Variants in LARGE1 observed in about 807,000 individuals in gnomAD.
The protein encoded by LARGE1 is LARGE xylosyl- and glucuronyltransferase 1.
LARGE1 carries 43 observed loss-of-function variants against 87.6 expected under a neutral mutation model. That is an observed-to-expected ratio of 0.49 (90% CI 0.38 to 0.63). The LOEUF (loss-of-function observed/expected upper bound fraction) is 0.63. Ranked by LOEUF, LARGE1 falls within the 30% of genes least tolerant of loss-of-function variation. LARGE1 has a pLI of 0.00. For synonymous variants in LARGE1, 434 were observed against 394.6 expected (o/e 1.10, Z -1.18); for missense variants, 802 against 1,000.2 (o/e 0.80, Z 2.67).
Position 33,165,077 on chromosome 22 carries a change from C to G in LARGE1, c.*1686G>C, listed in dbSNP as rs187817206. 3 of 152,224 alleles carry G rather than the reference C, an allele frequency of 2.0e-5. No individual in the cohort carries two copies. The East Asian group carries it at 5.8e-4, about 29-fold the overall frequency. The allele number at this position is 152,224 out of a possible 1,614,324, so 9.4% of individuals were successfully genotyped here. ...TCACTACCTGAGTGACGGGACCAATCGTATCCCAAACCTCAGCATCGTGCA... is the reference window on the plus strand; with the variant it reads ...TCACTACCTGAGTGACGGGACCAATGGTATCCCAAACCTCAGCATCGTGCA... On this transcript the variant is annotated 3_prime_UTR_variant, in exon 12 of 12. Coordinates refer to the LARGE1 transcript ENST00000608642.
intron 1 of LARGE1, among the ~76,000 whole-genome samples, chr22:33,774,381 G>T (rs2085167300): frequency 6.6e-6 from 1 of 151,980 alleles, no homozygotes; most frequent in Admixed American, 6.6e-5. Context: ...TTTTGAGACG[G>T]AGTCTTGCTC....
At chr22:33,308,534 C>G (rs761849390) in intron 11 of LARGE1, among the ~76,000 whole-genome samples, 4 of 152,134 alleles carry the variant, frequency 2.6e-5, no homozygotes, top group South Asian at 2.1e-4. Flanking sequence ...TATCCATACC[C>G]TCTGGAAATA....
chr22:33,652,000 C>T (rs867221390), intron 2 of LARGE1, among the ~76,000 whole-genome samples: 6 of 152,070 alleles, frequency 3.9e-5, no homozygotes, highest in Admixed American at 1.3e-4. Flanking sequence ...AGTGAAACCC[C>T]GTCTCTACTA....
chr22:33,534,949 C>T (rs923186235), intron 6 of LARGE1, among the ~76,000 whole-genome samples: 7 of 152,150 alleles, frequency 4.6e-5, no homozygotes, highest in African/African-American at 1.4e-4. Flanking sequence ...GGGTTGAAGC[C>T]GAGAGTAATA....
intron 1 of LARGE1, among the ~76,000 whole-genome samples, chr22:33,897,185 C>G (rs2065167684): frequency 6.6e-6 from 1 of 152,186 alleles, no homozygotes; most frequent in Non-Finnish European, 1.5e-5. Context: ...GACTCACTCA[C>G]AACTGTTGAA....
chr22:33,283,762 G>A (rs1930942357), intron 12 of LARGE1, among the ~76,000 whole-genome samples: 1 of 148,650 alleles, frequency 6.7e-6, no homozygotes, highest in South Asian at 2.1e-4. Flanking sequence ...GGGTGACAGA[G>A]ATAGATTCTG....
chr22:33,881,869 A>C (rs1427559413), intron 1 of LARGE1, among the ~76,000 whole-genome samples: 4 of 152,184 alleles, frequency 2.6e-5, no homozygotes, highest in African/African-American at 9.7e-5. Flanking sequence ...GGTTCTCCAG[A>C]CATCAGGCTA....
chr22:33,650,338 T>C (rs1602974830), intron 3 of LARGE1, 29 bp downstream of exon 3: 1 of 1,613,598 alleles, frequency 6.2e-7, no homozygotes, highest in South Asian at 1.1e-5. Flanking sequence ...TTTGGACAAC[T>C]TCCTCCCCAG....
At chr22:33,610,008 G>A (rs946920595) in intron 4 of LARGE1, among the ~76,000 whole-genome samples, 2 of 152,004 alleles carry the variant, frequency 1.3e-5, no homozygotes, top group African/African-American at 4.8e-5. Flanking sequence ...ACTCCTTGAG[G>A]TGTCCCTAGA....
chr22:33,643,191 A>G (rs371752756), intron 3 of LARGE1, among the ~76,000 whole-genome samples: 4 of 152,140 alleles, frequency 2.6e-5, no homozygotes, highest in African/African-American at 9.7e-5. Flanking sequence ...ATCATAACAA[A>G]CAGTCTCTCA....
Position 33,252,119 on chromosome 22 carries a change from T to C in LARGE1, c.1730+52110A>G, listed in dbSNP as rs540691156. ...AGAAATTTTTTATTACCTCTATATC[T>C]GGGATATACTGCATACTCAACAAAT... On this transcript the variant is annotated intron_variant, in intron 11 of 11. Transcript: ENST00000608642. Among the ~76,000 whole-genome samples the C allele has an allele frequency of 2.0e-5, 3 of 152,322 alleles. No individual in the cohort carries two copies. In the South Asian group the frequency reaches 6.2e-4, roughly 32 times the overall value.
At chr22:33,869,352 G>C (rs949889864) in intron 1 of LARGE1, among the ~76,000 whole-genome samples, 3 of 152,116 alleles carry the variant, frequency 2.0e-5, no homozygotes, top group African/African-American at 7.2e-5. Flanking sequence ...TGTTTCCATA[G>C]ATATCTAGAC....
At chr22:33,209,384 A>G (rs1190668202) in intron 11 of LARGE1, among the ~76,000 whole-genome samples, 2 of 152,228 alleles carry the variant, frequency 1.3e-5, no homozygotes, top group African/African-American at 4.8e-5. Context: ...GTATATTATG[A>G]GACTCACACA....
chr22:33,097,350 T>C, the LARGE1 span, among the ~76,000 whole-genome samples: 2 of 152,250 alleles, frequency 1.3e-5, no homozygotes, highest in African/African-American at 4.8e-5. Flanking sequence ...TCAGACATCC[T>C]GTCTATATCT....
chr22:33,295,159 G>C (rs1475447261), intron 12 of LARGE1, among the ~76,000 whole-genome samples: 2 of 152,166 alleles, frequency 1.3e-5, no homozygotes, highest in African/African-American at 2.4e-5. Flanking sequence ...GTAAGAAGTG[G>C]ATCAGCCAGT....
chr22:33,276,986 A>C, intron 14 of LARGE1, 74 bp downstream of exon 14: 1 of 1,417,890 alleles, frequency 7.1e-7, no homozygotes, highest in Non-Finnish European at 1.0e-6. Context: ...TCTTGTCTCC[A>C]AGGATCCCTT....
intron 12 of LARGE1, among the ~76,000 whole-genome samples, chr22:33,292,550 A>C (rs1164152529): frequency 3.3e-5 from 5 of 152,148 alleles, no homozygotes; most frequent in Non-Finnish European, 5.9e-5. Context: ...CCAGGCTTAC[A>C]TGTCGAGGAG....
At chr22:33,266,339 A>T (rs2145764284) in intron 11 of LARGE1, among the ~76,000 whole-genome samples, 1 of 148,212 alleles carries the variant, frequency 6.7e-6, no homozygotes, top group South Asian at 2.1e-4. Flanking sequence ...ATCCTGCCTC[A>T]GCCTCCCGAG....
chr22:33,327,490 G>A (rs954112394), intron 10 of LARGE1, among the ~76,000 whole-genome samples: 1 of 152,154 alleles, frequency 6.6e-6, no homozygotes, highest in South Asian at 2.1e-4. Flanking sequence ...TGGTGTGGGT[G>A]CATTTACTGA....
Sources: allele counts gnomAD v4.1 joint callset (sites outside exome capture counted in the v4.1 genomes callset), GRCh38; gene constraint gnomAD v4.1.1; transcripts MANE v1.5; gene names NCBI Gene and HGNC (gene_info 2026-07-23, HGNC 2026-07-21).